ETNK1: variants seen among roughly 807,000 people sequenced by gnomAD.
ETNK1 encodes ethanolamine kinase 1.
ETNK1 carries 8 observed loss-of-function variants against 45.1 expected under a neutral mutation model. The ratio of observed to expected loss-of-function variants is 0.18; its 90% confidence interval spans 0.10 to 0.32. The LOEUF is 0.32. ETNK1 is among the 10% of genes least tolerant of loss of function. The probability of loss-of-function intolerance (pLI) is 1.00; values close to 1 mark genes in which losing one functional copy is unlikely to be tolerated. For missense variants in ETNK1, 302 were observed against 430.6 expected (o/e 0.70, Z 2.64); for synonymous variants, 152 against 151.9 (o/e 1.00, Z -0.01).
At chr12:22,666,799 T>C (rs1954057321) in intron 4 of ETNK1, among the ~76,000 whole-genome samples, 1 of 152,190 alleles carries the variant, frequency 6.6e-6, no homozygotes, top group African/African-American at 2.4e-5. Flanking sequence ...TGCTTTGTTT[T>C]AAGAGTTCTA....
intron 2 of ETNK1, among the ~76,000 whole-genome samples, chr12:22,647,756 A>T (rs992007307): frequency 1.3e-5 from 2 of 151,892 alleles, no homozygotes; most frequent in African/African-American, 4.8e-5. Context: ...AATACATTTA[A>T]TTTTTTAAAA....
chr12:22,666,432 C>T (rs734775), intron 4 of ETNK1, among the ~76,000 whole-genome samples: 83,279 of 151,944 alleles, frequency 0.55, 23,346 homozygotes, highest in East Asian at 0.83. Flanking sequence ...GTAATATTGC[C>T]TATGACTAAC....
chr12:22,664,483 A>G (rs954824182), intron 4 of ETNK1, among the ~76,000 whole-genome samples: 1 of 152,036 alleles, frequency 6.6e-6, no homozygotes, highest in South Asian at 2.1e-4. Context: ...TACACAAGGC[A>G]CACATACTAT....
At chr12:22,630,663 T>C (rs1042672722) in intron 1 of ETNK1, among the ~76,000 whole-genome samples, 21 of 152,134 alleles carry the variant, frequency 1.4e-4, no homozygotes, top group African/African-American at 5.1e-4. Flanking sequence ...CAGGCTGGAG[T>C]GCAGTGGTGT....
intron 2 of ETNK1, among the ~76,000 whole-genome samples, chr12:22,645,866 C>T (rs1019022364): frequency 2.6e-5 from 4 of 151,784 alleles, no homozygotes; most frequent in African/African-American, 9.7e-5. Flanking sequence ...TCATCACCCC[C>T]CTTCCTAGAT....
intron 2 of ETNK1, among the ~76,000 whole-genome samples, chr12:22,654,713 C>A (rs931760870): frequency 6.6e-6 from 1 of 152,064 alleles, no homozygotes; most frequent in East Asian, 1.9e-4. Context: ...ATAAAGCAAT[C>A]TTTATTATTA....
At chr12:22,677,485 C>G (rs1161602877) in intron 6 of ETNK1, among the ~76,000 whole-genome samples, 1 of 152,162 alleles carries the variant, frequency 6.6e-6, no homozygotes, top group Non-Finnish European at 1.5e-5. Context: ...ATTGTCTTGG[C>G]TATGCAGGGT....
intron 4 of ETNK1, among the ~76,000 whole-genome samples, chr12:22,662,621 T>G (rs1954016852): frequency 6.6e-6 from 1 of 151,320 alleles, no homozygotes; most frequent in African/African-American, 2.4e-5. Flanking sequence ...TGGTTTTGAA[T>G]TTGTGGCCTC....
rs780356905 is a variant in ETNK1, at chr12:22,644,265, C to T, written c.416+243C>T. ...AAACTACAAGATGTTTTGGATTAACCGGCTGCAGAGGGTCAAGGCTTCTGC... is the reference window on the plus strand; with the variant it reads ...AAACTACAAGATGTTTTGGATTAACTGGCTGCAGAGGGTCAAGGCTTCTGC... On this transcript the variant is annotated intron_variant, in intron 2 of 7. Coordinates refer to ENST00000266517, the MANE Select transcript of ETNK1 (RefSeq NM_018638.5). 71 of 1,608,150 alleles carry T rather than the reference C, an allele frequency of 4.4e-5. No homozygotes were observed. The Admixed American group carries it at 5.7e-4, about 13-fold the overall frequency.
At chr12:22,643,121 T>G (rs1383532022) in intron 1 of ETNK1, among the ~76,000 whole-genome samples, 1 of 152,044 alleles carries the variant, frequency 6.6e-6, no homozygotes, top group Admixed American at 6.6e-5. Context: ...TAGTCAAAAC[T>G]GTTATACTCT....
At chr12:22,644,339 C>G in intron 2 of ETNK1, 1 of 1,520,070 alleles carries the variant, frequency 6.6e-7, no homozygotes, top group Non-Finnish European at 8.8e-7. Flanking sequence ...ACATTTCTTA[C>G]TGCCGATTGC....
At chr12:22,670,338 T>TGATC (rs1954095645) in intron 4 of ETNK1, among the ~76,000 whole-genome samples, 1 of 151,962 alleles carries the variant, frequency 6.6e-6, no homozygotes, top group African/African-American at 2.4e-5. Context: ...TTTGAGTTTG[T>TGATC]GATCCCTGGT....
intron 6 of ETNK1, among the ~76,000 whole-genome samples, chr12:22,680,957 G>A (rs1358791317): frequency 3.1e-5 from 4 of 128,358 alleles, no homozygotes; most frequent in African/African-American, 1.1e-4. Flanking sequence ...ACCATATAAA[G>A]CTTTGAATAT....
chr12:22,643,615 A>T (rs1294822691), intron 1 of ETNK1, 148 bp from the exon 2 acceptor site: 1 of 565,464 alleles, frequency 1.8e-6, no homozygotes, highest in African/African-American at 1.9e-5. Flanking sequence ...TAGATGTTAG[A>T]TAAAATTGTA....
chr12:22,658,301 C>G (rs965524868), intron 2 of ETNK1, among the ~76,000 whole-genome samples: 2 of 152,112 alleles, frequency 1.3e-5, no homozygotes, highest in Admixed American at 1.3e-4. Flanking sequence ...AAGCGTGGGA[C>G]TCCAATCTAG....
intron 1 of ETNK1, among the ~76,000 whole-genome samples, chr12:22,636,914 T>C (rs1460338057): frequency 6.6e-6 from 1 of 152,172 alleles, no homozygotes; most frequent in South Asian, 2.1e-4. Flanking sequence ...AAAATTTAAA[T>C]CAAAATATAA....
At chr12:22,671,980 C>T (rs1954113861) in intron 5 of ETNK1, among the ~76,000 whole-genome samples, 1 of 151,686 alleles carries the variant, frequency 6.6e-6, no homozygotes, top group African/African-American at 2.4e-5. Flanking sequence ...AGGTAATACT[C>T]GCAGTTTACA....
At chr12:22,680,354 T>C (rs1237178889) in intron 6 of ETNK1, among the ~76,000 whole-genome samples, 1 of 152,206 alleles carries the variant, frequency 6.6e-6, no homozygotes, top group East Asian at 1.9e-4. Flanking sequence ...TGATCCTTTC[T>C]AGTAATTAGA....
intron 5 of ETNK1, 78 bp from the exon 6 acceptor site, chr12:22,673,422 G>T (rs1386690362): frequency 5.6e-6 from 6 of 1,076,540 alleles, no homozygotes; most frequent in Non-Finnish European, 6.5e-6. Flanking sequence ...TGAAAAAATG[G>T]TGGTTTTAGG....
Sources: gnomAD v4.1 joint callset for allele counts (sites outside exome capture counted in the v4.1 genomes callset) on GRCh38, gnomAD v4.1.1 for gene constraint, MANE v1.5 for transcripts, NCBI Gene and HGNC (gene_info 2026-07-23, HGNC 2026-07-21) for gene names.